Variants in TTF2 observed in about 807,000 individuals in gnomAD.
TTF2 encodes the protein transcription termination factor 2.
A neutral mutation model predicts 142.4 loss-of-function variants in TTF2; 108 were observed. The observed-to-expected ratio is 0.76, with a 90% CI of 0.65 to 0.89. The LOEUF is 0.89. TTF2 is among the 40% of genes least tolerant of loss of function. TTF2 has a pLI of 0.00. For synonymous variants in TTF2, 483 were observed against 506.2 expected (o/e 0.95, Z 0.61); for missense variants, 1,327 against 1,379.8 (o/e 0.96, Z 0.61).
At chr1:117,089,471 T>A (rs1240565196) in intron 13 of TTF2, among the ~76,000 whole-genome samples, 2 of 152,018 alleles carry the variant, frequency 1.3e-5, no homozygotes, top group Non-Finnish European at 2.9e-5. Context: ...GGAGGATTGC[T>A]TGAAGCCAGG....
chr1:117,065,987 C>CT lies in TTF2; in HGVS notation c.218+3514_218+3515insT, dbSNP rs1557800255. 1.3e-4 allele frequency among the ~76,000 whole-genome samples: 17 copies of CT among 126,698 alleles called. 1 individual carries two copies. Among genetic ancestry groups the CT allele is most frequent in the African/African-American group, 5.4e-4 (17 of 31,472 alleles). 83.1% of individuals were successfully genotyped at this position (126,698 alleles called of 152,430 possible). A position where few individuals can be genotyped will look rare whatever the true frequency, so the allele number is the denominator to read the frequency against. ...GCTACCATTGAAAGCCCACTATATA[C>CT]CTTTTTTTTTTTTTTTTTTTTTTTT... On this transcript the variant is annotated intron_variant, in intron 3 of 22. Coordinates refer to ENST00000369466, the MANE Select transcript of TTF2 (RefSeq NM_003594.4).
Position 117,101,407 on chromosome 1 carries a change from A to G in TTF2, c.3372A>G (p.Glu1124=). ...HRFVCEGTVE[E]KILQLQEKKK... is the part of the protein sequence containing the mutation. Reference sequence around the variant, plus strand: ...TTGTTTGTGAGGGAACAGTAGAAGAAAAGATCTTACAGCTCCAAGAAAAAA... The same window carrying G: ...TTGTTTGTGAGGGAACAGTAGAAGAGAAGATCTTACAGCTCCAAGAAAAAA... Residue 1124 remains glutamate, a synonymous_variant, in exon 23 of 23, where the codon GAA becomes GAG. Coordinates refer to ENST00000369466, the MANE Select transcript of TTF2 (RefSeq NM_003594.4). This position sits in a 1 kb window ranked among gnomAD's most constrained non-coding sequence, Gnocchi z 5.9. 1 of 1,601,132 alleles carries G rather than the reference A, an allele frequency of 6.2e-7. No individual in the cohort carries two copies. The highest frequency in any genetic ancestry group is 8.5e-7 in the Non-Finnish European group (1 of 1,177,054).
At position 117,106,870 on chromosome 1, in the gene TTF2, T is replaced by C. The variant is rs982678457; in HGVS notation, c.*5346T>C. 2 of 152,250 alleles carry C rather than the reference T, an allele frequency of 1.3e-5. No individual in the cohort carries two copies. Among genetic ancestry groups the C allele is most frequent in the Non-Finnish European group, 2.9e-5 (2 of 68,048 alleles). 9.4% of individuals were successfully genotyped at this position (152,250 alleles called of 1,614,324 possible). On this transcript the variant is annotated 3_prime_UTR_variant, in exon 23 of 23. Transcript: ENST00000369466. ...TCTCTGGAGGAAAGTTGAGCAACTA[T>C]TGCATTTGGGACATTAGAGTATGGG...
chr1:117,082,079 A>G, intron 10 of TTF2, 132 bp downstream of exon 10: 7 of 1,287,734 alleles, frequency 5.4e-6, no homozygotes, highest in Non-Finnish European at 7.8e-6. Context: ...GTATTAGATT[A>G]CTCACCTATC....
chr1:117,095,566 G>A (rs181486448), intron 19 of TTF2, among the ~76,000 whole-genome samples, 199 bp downstream of exon 19: 61 of 151,902 alleles, frequency 4.0e-4, no homozygotes, highest in East Asian at 7.7e-4. Flanking sequence ...CAGGGTAAGC[G>A]AAGCATCTGA....
chr1:117,099,863 A>C lies in TTF2; in HGVS notation c.3344+956A>C, dbSNP rs1444096761. Among the ~76,000 whole-genome samples, 11 of 152,208 alleles carry C rather than the reference A, an allele frequency of 7.2e-5. No homozygotes were observed. The highest frequency in any genetic ancestry group is 7.2e-4 in the Admixed American group (11 of 15,286). Reference sequence around the variant, plus strand: ...GCACCAATGACTTCCAGACTTTGCTAAATATAGTGATTATGATAGTCTTCC... The same window carrying C: ...GCACCAATGACTTCCAGACTTTGCTCAATATAGTGATTATGATAGTCTTCC... On this transcript the variant is annotated intron_variant, in intron 22 of 22. Coordinates refer to ENST00000369466, the MANE Select transcript of TTF2 (RefSeq NM_003594.4). The surrounding 1 kb of genome is among the most constrained non-coding windows in gnomAD (Gnocchi z 4.3).
Position 117,063,628 on chromosome 1 carries a change from C to G in TTF2, c.218+1155C>G, listed in dbSNP as rs1026717484. ...AAATGCACCACTTTGTTTGGTGTGCCTATTTGCCATCAGAAAATCTCGACG... is the reference window on the plus strand; with the variant it reads ...AAATGCACCACTTTGTTTGGTGTGCGTATTTGCCATCAGAAAATCTCGACG... On this transcript the variant is annotated intron_variant, in intron 3 of 22. Transcript: ENST00000369466. This position sits in a 1 kb window ranked among gnomAD's most constrained non-coding sequence, Gnocchi z 4.1. 6.6e-6 allele frequency among the ~76,000 whole-genome samples: 1 copy of G among 152,000 alleles called. No homozygotes were observed. The highest frequency in any genetic ancestry group is 1.5e-5 in the Non-Finnish European group (1 of 67,988).
rs1359319280 is a variant in TTF2 at position 117,084,083 on chromosome 1, A to G, written c.1969A>G (p.Lys657Glu). Residue 657 changes from lysine to glutamate, a missense_variant, in exon 11 of 23, where the codon AAA becomes GAA. Lys to Glu is a moderately conservative substitution (Grantham distance 56, BLOSUM62 1). Coordinates refer to ENST00000369466, the MANE Select transcript of TTF2 (RefSeq NM_003594.4). ...ICPASLIHHW[K>E]NEVEKRVNSN... Reference sequence around the variant, plus strand: ...TCCTGCCTCCCTGATCCATCATTGGAAAAATGAGGTGGAGAAACGGGTGAA... The same window carrying G: ...TCCTGCCTCCCTGATCCATCATTGGGAAAATGAGGTGGAGAAACGGGTGAA... The G allele has an allele frequency of 6.2e-7, 1 of 1,614,156 alleles. No homozygotes were observed. Among genetic ancestry groups the G allele is most frequent in the African/African-American group, 1.3e-5 (1 of 75,040 alleles).
chr1:117,063,916 G>C lies in TTF2; in HGVS notation c.218+1443G>C, dbSNP rs1655881270. Among the ~76,000 whole-genome samples the C allele has an allele frequency of 6.6e-6, 1 of 152,208 alleles. No individual in the cohort carries two copies. The highest frequency in any genetic ancestry group is 2.1e-4 in the South Asian group (1 of 4,832). Reference sequence around the variant, plus strand: ...TGTATATTCTATACAATTTTATCCTGTCGAGTCATGTATCTACCACTACAG... The same window carrying C: ...TGTATATTCTATACAATTTTATCCTCTCGAGTCATGTATCTACCACTACAG... On this transcript the variant is annotated intron_variant, in intron 3 of 22. Transcript: ENST00000369466. The surrounding 1 kb of genome is among the most constrained non-coding windows in gnomAD (Gnocchi z 4.1).
rs539583033 is a variant in TTF2, at chr1:117,083,881, G to T, written c.1904-137G>T. Reference sequence around the variant, plus strand: ...TGTAATTCCACTGTGGGAGGCTAAGGCAGGAGGATCACTTGAGCCTAGGAG... The same window carrying T: ...TGTAATTCCACTGTGGGAGGCTAAGTCAGGAGGATCACTTGAGCCTAGGAG... On this transcript the variant is annotated intron_variant, in intron 10 of 22. Transcript: ENST00000369466. The T allele has an allele frequency of 7.5e-5, 76 of 1,016,430 alleles. 1 individual carries two copies. The East Asian group carries it at 1.9e-3, about 25-fold the overall frequency. The allele number at this position is 1,016,430 out of a possible 1,614,324, so 63.0% of individuals were successfully genotyped here.
In TTF2 at chr1:117,076,875, G is replaced by A. The variant is rs372133059; in HGVS notation, c.1573+52G>A. On this transcript the variant is annotated intron_variant, in intron 7 of 22. Transcript: ENST00000369466. The surrounding 1 kb of genome is among the most constrained non-coding windows in gnomAD (Gnocchi z 4.6). ...GTGAATAGCCACCCCTGTGAGTTAC[G>A]TGCCACCCGGTACAGTAGTCACCTC... The A allele has an allele frequency of 2.6e-4, 390 of 1,527,004 alleles. 1 individual carries two copies. The highest frequency in any genetic ancestry group is 2.0e-3 in the South Asian group (160 of 79,666). 94.6% of individuals were successfully genotyped at this position (1,527,004 alleles called of 1,614,324 possible).
chr1:117,101,671 T>A lies in TTF2; in HGVS notation c.*147T>A. On this transcript the variant is annotated 3_prime_UTR_variant, in exon 23 of 23. Transcript: ENST00000369466. This position sits in a 1 kb window ranked among gnomAD's most constrained non-coding sequence, Gnocchi z 5.9. ...TCACCTTCCTCAAAATGAGGCATAA[T>A]CTTATCCCCAGAATTGAGGAGGGGT... is the stretch of plus-strand genomic sequence containing the variant. 1 of 867,552 alleles carries A rather than the reference T, an allele frequency of 1.2e-6. No homozygotes were observed. The highest frequency in any genetic ancestry group is 1.6e-6 in the Non-Finnish European group (1 of 618,466). The allele number at this position is 867,552 out of a possible 1,614,324, so 53.7% of individuals were successfully genotyped here. A position where few individuals can be genotyped will look rare whatever the true frequency, so the allele number is the denominator to read the frequency against.
intron 18 of TTF2, chr1:117,094,580 TCAA>T: frequency 4.2e-6 from 2 of 471,438 alleles, no homozygotes; most frequent in Middle Eastern, 3.3e-4. Context: ...CAGGTCCTTT[TCAA>T]CAACATTTGG....
intron 18 of TTF2, chr1:117,094,833 A>C (rs559882277): frequency 2.8e-6 from 1 of 357,366 alleles, no homozygotes; most frequent in Non-Finnish European, 5.5e-6. Context: ...GTGCTATGAT[A>C]GTACTTGGGC....
Position 117,088,914 on chromosome 1 carries a change from CTG to C in TTF2, c.2277_2278del (p.Ala760ProfsTer29), listed in dbSNP as rs765154555. The C allele has an allele frequency of 3.1e-6, 5 of 1,613,992 alleles. No homozygotes were observed. Among genetic ancestry groups the C allele is most frequent in the Non-Finnish European group, 4.2e-6 (5 of 1,179,960 alleles). ...TSIAVCKLQA[C>X]ARWAVTGTPI... ...CCATAGCTGTGTGTAAGCTACAAGC[CTG>C]TGCCCGTTGGGCTGTCACTGGAACC... On this transcript the variant is annotated frameshift_variant, in exon 13 of 23. Transcript: ENST00000369466. LOFTEE classifies it high-confidence loss of function.
At position 117,096,801 on chromosome 1, in the gene TTF2, C is replaced by A. The variant is rs183019650; in HGVS notation, c.3186+502C>A. Among the ~76,000 whole-genome samples the A allele has an allele frequency of 5.3e-5, 8 of 152,194 alleles. No individual in the cohort carries two copies. In the East Asian group the frequency reaches 1.5e-3, roughly 29 times the overall value. On this transcript the variant is annotated intron_variant, in intron 20 of 22. Transcript: ENST00000369466. ...AGAGCACAAATATTCTAAAAAGAATCAAATATGAGGACTAAAAGGAGATTA... is the reference window on the plus strand; with the variant it reads ...AGAGCACAAATATTCTAAAAAGAATAAAATATGAGGACTAAAAGGAGATTA...
In TTF2 at chr1:117,063,882, A is replaced by G. The variant is rs1024740814; in HGVS notation, c.218+1409A>G. Among the ~76,000 whole-genome samples the G allele has an allele frequency of 2.0e-5, 3 of 152,086 alleles. No individual in the cohort carries two copies. Among genetic ancestry groups the G allele is most frequent in the Non-Finnish European group, 2.9e-5 (2 of 68,014 alleles). On this transcript the variant is annotated intron_variant, in intron 3 of 22. Transcript: ENST00000369466. This position sits in a 1 kb window ranked among gnomAD's most constrained non-coding sequence, Gnocchi z 4.1. ...AAGGTAGTTTTACTTGAACTAATTT[A>G]TGTGTGTGTGTATATTCTATACAAT...
rs1570863812 is a variant in TTF2, at chr1:117,090,504, A to G, written c.2497-28A>G. 5 of 1,593,590 alleles carry G rather than the reference A, an allele frequency of 3.1e-6. No individual in the cohort carries two copies. The highest frequency in any genetic ancestry group is 4.3e-6 in the Non-Finnish European group (5 of 1,166,370). ...ATAGGCAGTTAATTTGTATAGCTTC[A>G]TGCCAGCTTTTTTTTTTATTCTTCC... On this transcript the variant is annotated intron_variant, in intron 14 of 22. Coordinates refer to ENST00000369466, the MANE Select transcript of TTF2 (RefSeq NM_003594.4). This position sits in a 1 kb window ranked among gnomAD's most constrained non-coding sequence, Gnocchi z 4.8.
At position 117,088,942 on chromosome 1, in the gene TTF2, C is replaced by A. The variant is rs374191255; in HGVS notation, c.2302C>A (p.Pro768Thr). The A allele has an allele frequency of 4.3e-6, 7 of 1,612,966 alleles. No individual in the cohort carries two copies. The highest frequency in any genetic ancestry group is 5.9e-6 in the Non-Finnish European group (7 of 1,179,690). Residue 768 changes from proline (P) to threonine (T), a missense_variant, in exon 13 of 23, where the codon CCC (proline) becomes ACC (threonine). By Grantham distance (38) the Pro-to-Thr change is conservative. Coordinates refer to ENST00000369466, the MANE Select transcript of TTF2 (RefSeq NM_003594.4). ...TGCCCGTTGGGCTGTCACTGGAACC[C>A]CCATTCAAAACAACTTATTGGATAT... Reference protein sequence around the residue: ...ACARWAVTGTPIQNNLLDMYS... With the variant: ...ACARWAVTGTTIQNNLLDMYS...
Sources: gnomAD v4.1 joint callset for allele counts (sites outside exome capture counted in the v4.1 genomes callset) on GRCh38, gnomAD v4.1.1 for gene constraint, Gnocchi (gnomAD v3.1) non-coding constraint, MANE v1.5 for transcripts, NCBI Gene and HGNC (gene_info 2026-07-23, HGNC 2026-07-21) for gene names.